ASTN2: variants seen among roughly 807,000 people sequenced by gnomAD.
The protein encoded by ASTN2 is astrotactin-2.
Under a neutral mutation model 139.8 loss-of-function variants are expected in ASTN2, and 54 were observed. The ratio of observed to expected loss-of-function variants is 0.39; its 90% confidence interval spans 0.31 to 0.48. The LOEUF is 0.48. Among genes scored for constraint, ASTN2 ranks in the 20% least tolerant of loss-of-function variants. The probability of loss-of-function intolerance (pLI) is 0.95; values close to 1 mark genes in which losing one functional copy is unlikely to be tolerated. For missense variants in ASTN2, 1,565 were observed against 1,725.1 expected (o/e 0.91, Z 1.64); for synonymous variants, 756 against 719.5 (o/e 1.05, Z -0.81).
intron 4 of ASTN2, among the ~76,000 whole-genome samples, chr9:117,110,703 A>G (rs1829228032): frequency 1.3e-5 from 2 of 152,236 alleles, no homozygotes; most frequent in African/African-American, 4.8e-5. Flanking sequence ...TATTTTGGAA[A>G]GAAGTTGAAA....
chr9:116,749,764 G>A lies in ASTN2; in HGVS notation c.2397-16241C>T, dbSNP rs541392768. ...CCCATGGATGGTTTAACACCATCCCGTTGGTGACAAGTGAGTTCTCTTTCA... is the reference window on the plus strand; with the variant it reads ...CCCATGGATGGTTTAACACCATCCCATTGGTGACAAGTGAGTTCTCTTTCA... On this transcript the variant is annotated intron_variant, in intron 13 of 22. Transcript: ENST00000313400. 1.4e-3 allele frequency among the ~76,000 whole-genome samples: 207 copies of A among 152,270 alleles called. 3 individuals are homozygous for A. Among genetic ancestry groups the A allele is most frequent in the African/African-American group, 4.8e-3 (198 of 41,544 alleles).
intron 4 of ASTN2, among the ~76,000 whole-genome samples, chr9:117,140,980 G>C (rs568705486): frequency 6.6e-6 from 1 of 152,208 alleles, no homozygotes; most frequent in Non-Finnish European, 1.5e-5. Flanking sequence ...TCTCCTACTA[G>C]AATGTTCTGC....
intron 19 of ASTN2, among the ~76,000 whole-genome samples, chr9:116,597,570 G>A (rs1414824887): frequency 5.3e-5 from 8 of 152,028 alleles, no homozygotes; most frequent in African/African-American, 9.7e-5. Context: ...GATTATAGGC[G>A]TGAACCACCA....
intron 4 of ASTN2, among the ~76,000 whole-genome samples, chr9:117,104,668 C>T (rs72760120): frequency 0.17 from 26,063 of 152,014 alleles, 2,577 homozygotes; most frequent in Non-Finnish European, 0.22. Context: ...TAAGGTGTTA[C>T]GGTGGTTTTT....
At chr9:116,848,284 A>T (rs909837368) in intron 11 of ASTN2, among the ~76,000 whole-genome samples, 1 of 152,146 alleles carries the variant, frequency 6.6e-6, no homozygotes, top group African/African-American at 2.4e-5. Context: ...CTCATGTCCT[A>T]TTACTTCTCT....
chr9:116,638,602 C>T (rs981213714), intron 17 of ASTN2, among the ~76,000 whole-genome samples: 4 of 151,622 alleles, frequency 2.6e-5, no homozygotes, highest in African/African-American at 9.7e-5. Context: ...AAATACAAGG[C>T]CAGATAAGGA....
intron 10 of ASTN2, among the ~76,000 whole-genome samples, chr9:116,945,741 C>T (rs897343766): frequency 1.3e-5 from 2 of 152,036 alleles, no homozygotes. Flanking sequence ...CAGTTATGAA[C>T]AACACACATA....
chr9:116,448,079 G>A (rs1191506096), intron 20 of ASTN2, among the ~76,000 whole-genome samples: 4 of 152,176 alleles, frequency 2.6e-5, no homozygotes, highest in African/African-American at 9.7e-5. Context: ...ATAGGAGAAT[G>A]CGTTTGAAGT....
intron 11 of ASTN2, among the ~76,000 whole-genome samples, chr9:116,846,226 A>G (rs557343402): frequency 2.0e-4 from 30 of 152,280 alleles, no homozygotes; most frequent in Non-Finnish European, 2.8e-4. Context: ...GAATTATTTA[A>G]TGGGTATAGA....
chr9:116,979,254 G>A (rs73517411), intron 7 of ASTN2, among the ~76,000 whole-genome samples: 221 of 152,216 alleles, frequency 1.5e-3, no homozygotes, highest in African/African-American at 4.8e-3. Context: ...AAAATATTCA[G>A]AATGAGGTTG....
chr9:117,158,688 A>T (rs900837605), intron 3 of ASTN2, among the ~76,000 whole-genome samples: 2 of 152,082 alleles, frequency 1.3e-5, no homozygotes, highest in African/African-American at 4.8e-5. Flanking sequence ...TAGAAGATTC[A>T]GGCAGATAGC....
intron 5 of ASTN2, among the ~76,000 whole-genome samples, chr9:117,057,187 T>C (rs1839087461): frequency 1.3e-5 from 2 of 152,354 alleles, no homozygotes; most frequent in South Asian, 2.1e-4. Context: ...CAGTGAATTA[T>C]CATGGTTCCT....
chr9:117,156,290 T>C (rs527429967), intron 3 of ASTN2, among the ~76,000 whole-genome samples: 202 of 152,192 alleles, frequency 1.3e-3, no homozygotes, highest in African/African-American at 4.8e-3. Flanking sequence ...CATGACATTC[T>C]CTATGATGCT....
intron 2 of ASTN2, among the ~76,000 whole-genome samples, chr9:117,259,043 A>G (rs1291451988): frequency 6.6e-6 from 1 of 152,116 alleles, no homozygotes; most frequent in Non-Finnish European, 1.5e-5. Flanking sequence ...TAGCTCTTTC[A>G]CAGATATTAT....
At chr9:116,463,718 C>A (rs1848562673) in intron 20 of ASTN2, among the ~76,000 whole-genome samples, 1 of 152,072 alleles carries the variant, frequency 6.6e-6, no homozygotes, top group Non-Finnish European at 1.5e-5. Flanking sequence ...TTGCAAATAA[C>A]TTCATTATAG....
chr9:116,516,585 C>A (rs1048068642), intron 19 of ASTN2, among the ~76,000 whole-genome samples: 2 of 152,206 alleles, frequency 1.3e-5, no homozygotes, highest in Admixed American at 6.5e-5. Flanking sequence ...AGAACTACTG[C>A]AGGAACATAC....
chr9:116,932,713 C>G (rs1834937229), intron 10 of ASTN2, among the ~76,000 whole-genome samples: 1 of 152,038 alleles, frequency 6.6e-6, no homozygotes, highest in Non-Finnish European at 1.5e-5. Context: ...CAGTAAAGAG[C>G]TGCAATTCCA....
chr9:116,890,054 G>A (rs1039921940), intron 10 of ASTN2, among the ~76,000 whole-genome samples: 1 of 152,204 alleles, frequency 6.6e-6, no homozygotes, highest in East Asian at 1.9e-4. Flanking sequence ...CAACCAGCAA[G>A]TGCTGAGTTT....
At chr9:116,528,226 G>A (rs894500800) in intron 19 of ASTN2, among the ~76,000 whole-genome samples, 1 of 152,172 alleles carries the variant, frequency 6.6e-6, no homozygotes, top group African/African-American at 2.4e-5. Context: ...GGTCTCAGAT[G>A]GAGATGAGAA....
Sources: gnomAD v4.1 joint callset for allele counts (sites outside exome capture counted in the v4.1 genomes callset) on GRCh38, gnomAD v4.1.1 for gene constraint, MANE v1.5 for transcripts, NCBI Gene and HGNC (gene_info 2026-07-23, HGNC 2026-07-21) for gene names.